LETM1: variants seen among roughly 807,000 people sequenced by gnomAD.
LETM1 encodes the protein mitochondrial proton/calcium exchanger protein.
A neutral mutation model predicts 74.5 loss-of-function variants in LETM1; 50 were observed. The observed-to-expected ratio is 0.67, with a 90% CI of 0.53 to 0.85. The LOEUF (loss-of-function observed/expected upper bound fraction) is 0.85, where lower values mean the gene tolerates loss of function less well. Ranked by LOEUF, LETM1 falls within the 40% of genes least tolerant of loss-of-function variation. The pLI is 0.00. For missense variants in LETM1, 824 were observed against 967.8 expected, an observed-to-expected ratio of 0.85 and a Z score of 1.97; for synonymous variants, 446 against 407.1, an observed-to-expected ratio of 1.10 and a Z score of -1.15.
intron 2 of LETM1, among the ~76,000 whole-genome samples, chr4:1,848,467 G>A (rs1712957066): frequency 6.6e-6 from 1 of 151,268 alleles, no homozygotes; most frequent in Non-Finnish European, 1.5e-5. Context: ...AGGATGGCAT[G>A]AACCCGGGAG....
rs1711583114 is a variant in LETM1, at chr4:1,816,757, T to C, written c.1901A>G (p.Lys634Arg). 1.2e-6 allele frequency: 2 copies of C among 1,614,070 alleles called. No individual in the cohort carries two copies. Among genetic ancestry groups the C allele is most frequent in the African/African-American group, 1.3e-5 (1 of 74,932 alleles). ...SQLEMDQQAG[K>R]LAPANGMPTG... is the part of the protein sequence containing the mutation. ...GGGCATGCCGTTGGCCGGGGCCAGC[T>C]TGCCAGCCTGCTGGTCCATCTCCAG... The change falls in exon 12 of 14, where the codon AAG becomes AGG. Residue 634 changes from lysine to arginine, a missense_variant. By Grantham distance (26) the Lys-to-Arg change is conservative. Coordinates refer to ENST00000302787, the MANE Select transcript of LETM1 (RefSeq NM_012318.3).
chr4:1,838,500 G>C (rs531710624), intron 3 of LETM1, among the ~76,000 whole-genome samples: 2 of 152,170 alleles, frequency 1.3e-5, no homozygotes, highest in African/African-American at 4.8e-5. Context: ...AATATAGTGA[G>C]ACCCAGTCTC....
intron 13 of LETM1, 65 bp downstream of exon 13, chr4:1,815,599 C>T (rs2108833797): frequency 1.3e-6 from 2 of 1,584,932 alleles, no homozygotes; most frequent in Non-Finnish European, 1.7e-6. Flanking sequence ...AATGAACAGT[C>T]CCCCTGCCCC....
In LETM1 at chr4:1,836,331, C is replaced by T; in HGVS notation, c.738+98G>A. The stretch of plus-strand genomic sequence containing the variant: ...AGGACAATATGAAGATACATAAAGT[C>T]TCAAAAATATCTAGCACCTGAAAAG... On this transcript the variant is annotated intron_variant, in intron 4 of 13. Coordinates refer to ENST00000302787, the MANE Select transcript of LETM1 (RefSeq NM_012318.3). This position sits in a 1 kb window ranked among gnomAD's most constrained non-coding sequence, Gnocchi z 5.8. 1.6e-6 allele frequency: 2 copies of T among 1,221,590 alleles called. No individual in the cohort carries two copies. The highest frequency in any genetic ancestry group is 2.4e-6 in the Non-Finnish European group (2 of 840,042). 75.7% of individuals were successfully genotyped at this position (1,221,590 alleles called of 1,614,324 possible). A position where few individuals can be genotyped will look rare whatever the true frequency, so the allele number is the denominator to read the frequency against.
At chr4:1,843,383 C>A (rs1171872109) in intron 2 of LETM1, among the ~76,000 whole-genome samples, 1 of 152,228 alleles carries the variant, frequency 6.6e-6, no homozygotes, top group Non-Finnish European at 1.5e-5. Context: ...GATGGGGATC[C>A]TCGGCTTGCA....
chr4:1,836,395 A>G lies in LETM1; in HGVS notation c.738+34T>C, dbSNP rs753155667. 1 of 1,610,062 alleles carries G rather than the reference A, an allele frequency of 6.2e-7. No individual in the cohort carries two copies. The highest frequency in any genetic ancestry group is 8.5e-7 in the Non-Finnish European group (1 of 1,176,996). On this transcript the variant is annotated intron_variant, in intron 4 of 13. Coordinates refer to ENST00000302787, the MANE Select transcript of LETM1 (RefSeq NM_012318.3). This position sits in a 1 kb window ranked among gnomAD's most constrained non-coding sequence, Gnocchi z 5.8. ...AGCCATCACAATGAATTTCAGACTC[A>G]TTCTAAAACAAGCAGTTGGGATGCT...
intron 6 of LETM1, among the ~76,000 whole-genome samples, chr4:1,828,186 C>T (rs1274573451): frequency 8.0e-6 from 1 of 125,016 alleles, no homozygotes; most frequent in African/African-American, 3.0e-5. Flanking sequence ...CAGAGGCGCC[C>T]CTCACCTCCC....
intron 6 of LETM1, among the ~76,000 whole-genome samples, chr4:1,829,629 G>C (rs898672957): frequency 1.3e-5 from 2 of 152,200 alleles, no homozygotes; most frequent in Non-Finnish European, 2.9e-5. Context: ...AGCTTGGGCA[G>C]CCTAATAGTA....
chr4:1,845,408 T>G (rs1712847526), intron 2 of LETM1, among the ~76,000 whole-genome samples: 1 of 152,102 alleles, frequency 6.6e-6, no homozygotes, highest in Non-Finnish European at 1.5e-5. Flanking sequence ...GAGTTCGAGA[T>G]GAGCCTGGCC....
At chr4:1,819,192 G>T (rs1711687077) in intron 11 of LETM1, 146 bp downstream of exon 11, 3 of 779,474 alleles carry the variant, frequency 3.8e-6, no homozygotes, top group Non-Finnish European at 5.9e-6. Context: ...ACTGAATAAG[G>T]TTTATTTATA....
At chr4:1,849,562 T>C (rs112982499) in intron 1 of LETM1, among the ~76,000 whole-genome samples, 8,109 of 151,962 alleles carry the variant, frequency 0.053, 720 homozygotes, top group African/African-American at 0.19. Context: ...GCCACCGTGC[T>C]CAGCCTTTTG....
At chr4:1,833,798 A>T (rs1339507487) in intron 5 of LETM1, 1 of 152,434 alleles carries the variant, frequency 6.6e-6, no homozygotes, top group African/African-American at 2.4e-5. Context: ...CGTAACATGC[A>T]GGATGCCAGC....
At chr4:1,845,547 T>C (rs1358396655) in intron 2 of LETM1, among the ~76,000 whole-genome samples, 1 of 151,822 alleles carries the variant, frequency 6.6e-6, no homozygotes, top group Non-Finnish European at 1.5e-5. Flanking sequence ...TTCTTTTTTT[T>C]TTCTTTTTTT....
rs1474901595 is a variant in LETM1, at chr4:1,836,247, G to A, written c.738+182C>T. Among the ~76,000 whole-genome samples the A allele has an allele frequency of 1.3e-5, 2 of 151,954 alleles. No homozygotes were observed. The highest frequency in any genetic ancestry group is 2.4e-5 in the African/African-American group (1 of 41,332). ...ATAAATAAATAAATAAATAAATAACGAAATAAAGAGAAACAAATCCAAAAC... is the reference window on the plus strand; with the variant it reads ...ATAAATAAATAAATAAATAAATAACAAAATAAAGAGAAACAAATCCAAAAC... On this transcript the variant is annotated intron_variant, in intron 4 of 13. Coordinates refer to ENST00000302787, the MANE Select transcript of LETM1 (RefSeq NM_012318.3). This position sits in a 1 kb window ranked among gnomAD's most constrained non-coding sequence, Gnocchi z 5.8.
intron 6 of LETM1, among the ~76,000 whole-genome samples, chr4:1,826,956 T>C (rs535160658): frequency 6.6e-6 from 1 of 152,312 alleles, no homozygotes; most frequent in South Asian, 2.1e-4. Context: ...CCGTCTGTTC[T>C]GAGTCTCAGG....
intron 2 of LETM1, among the ~76,000 whole-genome samples, chr4:1,842,020 G>T (rs1011484148): frequency 5.9e-5 from 9 of 152,164 alleles, no homozygotes; most frequent in African/African-American, 2.2e-4. Context: ...CACCACGTCG[G>T]ACAGGAGCAT....
chr4:1,823,347 A>G (rs1262064334), intron 8 of LETM1, among the ~76,000 whole-genome samples: 1 of 149,974 alleles, frequency 6.7e-6, no homozygotes, highest in Non-Finnish European at 1.5e-5. Flanking sequence ...TGTGGGAAGG[A>G]GCATAGGCGC....
intron 10 of LETM1, among the ~76,000 whole-genome samples, chr4:1,819,731 A>AC (rs1711707426): frequency 6.6e-6 from 1 of 152,250 alleles, no homozygotes; most frequent in South Asian, 2.1e-4. Flanking sequence ...GTACTGTGAA[A>AC]CTTCACTACA....
intron 2 of LETM1, among the ~76,000 whole-genome samples, chr4:1,842,849 C>T (rs906011947): frequency 5.3e-5 from 8 of 152,212 alleles, no homozygotes; most frequent in Non-Finnish European, 1.0e-4. Context: ...ATCATCTGAC[C>T]GCAGCGTGGT....
Sources: gnomAD v4.1 joint callset for allele counts (sites outside exome capture counted in the v4.1 genomes callset) on GRCh38, gnomAD v4.1.1 for gene constraint, Gnocchi (gnomAD v3.1) non-coding constraint, MANE v1.5 for transcripts, NCBI Gene and HGNC (gene_info 2026-07-23, HGNC 2026-07-21) for gene names.